EDC3: variants seen among roughly 807,000 people sequenced by gnomAD.
The protein encoded by EDC3 is enhancer of mRNA-decapping protein 3.
Under a neutral mutation model 41.8 loss-of-function variants are expected in EDC3, and 20 were observed. That is an observed-to-expected ratio of 0.48 (90% CI 0.34 to 0.70). The LOEUF (loss-of-function observed/expected upper bound fraction) is 0.70, where lower values mean the gene tolerates loss of function less well. EDC3 is among the 30% of genes least tolerant of loss of function. The probability of loss-of-function intolerance (pLI) is 0.01; values close to 1 mark genes in which losing one functional copy is unlikely to be tolerated. For synonymous variants in EDC3, 206 were observed against 243.2 expected (o/e 0.85, Z 1.42); for missense variants, 444 against 636.8 (o/e 0.70, Z 3.26).
At chr15:74,639,654 G>A (rs1302406415) in intron 5 of EDC3, 2 of 151,368 alleles carry the variant, frequency 1.3e-5, no homozygotes, top group African/African-American at 4.9e-5. Context: ...GGTGGAAGTT[G>A]CAGTGAGCTG....
At chr15:74,646,032 GTT>G (rs1433556329) in intron 4 of EDC3, among the ~76,000 whole-genome samples, 25 of 151,068 alleles carry the variant, frequency 1.7e-4, no homozygotes, top group African/African-American at 5.8e-4. Context: ...TACAGAGACC[GTT>G]CCCAGTCTTT....
At chr15:74,634,580 G>A (rs998713367) in intron 6 of EDC3, among the ~76,000 whole-genome samples, 3 of 151,988 alleles carry the variant, frequency 2.0e-5, no homozygotes, top group African/African-American at 7.3e-5. Flanking sequence ...TCTCTATCAA[G>A]TTTTCCCATC....
At chr15:74,638,609 C>T (rs1567153827) in intron 5 of EDC3, 1 of 152,138 alleles carries the variant, frequency 6.6e-6, no homozygotes, top group Non-Finnish European at 1.5e-5. Context: ...ATAGGGATTA[C>T]AGGTGTGAGT....
intron 4 of EDC3, chr15:74,644,968 T>A (rs1000312604): frequency 1.3e-5 from 2 of 152,160 alleles, no homozygotes; most frequent in Admixed American, 6.5e-5. Flanking sequence ...TACTCCCTGA[T>A]GTGACGCCTT....
chr15:74,659,534 G>A (rs2141623484), intron 3 of EDC3, among the ~76,000 whole-genome samples: 1 of 147,394 alleles, frequency 6.8e-6, no homozygotes, highest in African/African-American at 2.6e-5. Flanking sequence ...AAAATATGAT[G>A]TGATTAGAGT....
chr15:74,674,929 T>C (rs565308332), intron 2 of EDC3, 32 bp downstream of exon 2: 7 of 1,612,704 alleles, frequency 4.3e-6, no homozygotes, highest in East Asian at 2.2e-5. Context: ...GACCACCAGG[T>C]TGGATTCAGA....
intron 3 of EDC3, among the ~76,000 whole-genome samples, chr15:74,665,460 C>G (rs1180770950): frequency 6.6e-6 from 1 of 152,168 alleles, no homozygotes; most frequent in African/African-American, 2.4e-5. Context: ...TCATCTGCCC[C>G]TCATGGTCAC....
intron 2 of EDC3, among the ~76,000 whole-genome samples, chr15:74,674,071 C>A (rs766875070): frequency 6.6e-6 from 1 of 152,052 alleles, no homozygotes; most frequent in African/African-American, 2.4e-5. Context: ...AACTAAAGGA[C>A]AGTACTGTAC....
intron 3 of EDC3, among the ~76,000 whole-genome samples, chr15:74,665,846 G>A (rs1286203722): frequency 5.5e-5 from 8 of 145,772 alleles, no homozygotes; most frequent in Admixed American, 2.1e-4. Flanking sequence ...TGCCCAGGCT[G>A]GAGGGCAGTG....
chr15:74,694,303 A>G (rs1234691748), intron 1 of EDC3, among the ~76,000 whole-genome samples: 1 of 151,918 alleles, frequency 6.6e-6, no homozygotes. Flanking sequence ...CCCTAGTCTA[A>G]TATTTTTCTT....
intron 4 of EDC3, chr15:74,641,915 G>A (rs1314641344): frequency 4.6e-5 from 7 of 152,584 alleles, no homozygotes; most frequent in Non-Finnish European, 1.0e-4. Context: ...CTAACTCTAA[G>A]GTAGAAGAGT....
chr15:74,690,437 T>C (rs1042743330), intron 1 of EDC3, among the ~76,000 whole-genome samples: 1 of 152,178 alleles, frequency 6.6e-6, no homozygotes, highest in African/African-American at 2.4e-5. Flanking sequence ...AATAAACAAG[T>C]TGCCAATTAC....
intron 2 of EDC3, among the ~76,000 whole-genome samples, chr15:74,673,435 A>G (rs1314544031): frequency 6.6e-6 from 1 of 152,192 alleles, no homozygotes; most frequent in South Asian, 2.1e-4. Flanking sequence ...ACAGGAAAAC[A>G]TAACGAGATT....
intron 4 of EDC3, among the ~76,000 whole-genome samples, chr15:74,652,519 C>T (rs569115781): frequency 6.6e-6 from 1 of 152,128 alleles, no homozygotes; most frequent in East Asian, 1.9e-4. Context: ...TGAGCCACTG[C>T]GCCTGGCCTT....
chr15:74,638,858 A>G (rs964414918), intron 5 of EDC3: 2 of 151,800 alleles, frequency 1.3e-5, no homozygotes, highest in African/African-American at 4.8e-5. Flanking sequence ...AATCCATTCA[A>G]TTACCTTGCC....
At chr15:74,645,893 A>G (rs2062410734) in intron 4 of EDC3, among the ~76,000 whole-genome samples, 1 of 152,104 alleles carries the variant, frequency 6.6e-6, no homozygotes, top group African/African-American at 2.4e-5. Flanking sequence ...GTTGGGAAGG[A>G]AAAAGGGAAA....
At chr15:74,636,834 CAG>C (rs1348262751) in intron 5 of EDC3, 4 of 152,236 alleles carry the variant, frequency 2.6e-5, no homozygotes, top group African/African-American at 9.6e-5. Context: ...GAGGATGCTG[CAG>C]AGTTGTGGAA....
At chr15:74,650,001 A>G (rs1363352173) in intron 4 of EDC3, among the ~76,000 whole-genome samples, 1 of 152,100 alleles carries the variant, frequency 6.6e-6, no homozygotes, top group African/African-American at 2.4e-5. Flanking sequence ...CCTGTTTTCA[A>G]TCATCATAGC....
chr15:74,673,993 C>A (rs192139521), intron 2 of EDC3, among the ~76,000 whole-genome samples: 1 of 151,264 alleles, frequency 6.6e-6, no homozygotes, highest in South Asian at 2.1e-4. Context: ...TAAAAAACAA[C>A]AAAAAAAGTA....
Sources: gnomAD v4.1 joint callset for allele counts (sites outside exome capture counted in the v4.1 genomes callset) on GRCh38, gnomAD v4.1.1 for gene constraint, MANE v1.5 for transcripts, NCBI Gene and HGNC (gene_info 2026-07-23, HGNC 2026-07-21) for gene names.